ZNF638: variants seen among roughly 807,000 people sequenced by gnomAD.
ZNF638 encodes zinc finger protein 638, also known as CTCL tumor antigen se33-1.
In ZNF638, 46 loss-of-function variants were observed where a neutral mutation model predicts 195.6. The observed-to-expected ratio is 0.24, with a 90% CI of 0.19 to 0.30. ZNF638 has a LOEUF of 0.30. Among genes scored for constraint, ZNF638 ranks in the 10% least tolerant of loss-of-function variants. The pLI is 1.00. For synonymous variants in ZNF638, 845 were observed against 772.0 expected, an observed-to-expected ratio of 1.09 and a Z score of -1.57; for missense variants, 2,440 against 2,325.3, an observed-to-expected ratio of 1.05 and a Z score of -1.01.
At chr2:71,366,503 A>G (rs1009186379) in intron 6 of ZNF638, among the ~76,000 whole-genome samples, 1 of 152,200 alleles carries the variant, frequency 6.6e-6, no homozygotes, top group African/African-American at 2.4e-5. Context: ...CCAAGGTTCA[A>G]AATCTCGTAG....
intron 10 of ZNF638, chr2:71,393,619 A>G (rs1428855378): frequency 8.4e-6 from 6 of 718,004 alleles, no homozygotes; most frequent in Non-Finnish European, 1.6e-5. Context: ...CACTCCAGAT[A>G]ATTTGTTCCT....
At chr2:71,369,832 G>T in intron 7 of ZNF638, 51 bp from the exon 8 acceptor site, 2 of 1,520,212 alleles carry the variant, frequency 1.3e-6, no homozygotes, top group Non-Finnish European at 1.8e-6. Context: ...TAAAATGCAG[G>T]AACTTTTAAA....
At chr2:71,367,852 G>A (rs1472594387) in intron 6 of ZNF638, among the ~76,000 whole-genome samples, 3 of 152,060 alleles carry the variant, frequency 2.0e-5, no homozygotes, top group East Asian at 3.9e-4. Context: ...ATACAGGCAT[G>A]AGCCACCATG....
intron 1 of ZNF638, chr2:71,333,016 T>C (rs2078600395): frequency 6.6e-6 from 1 of 152,206 alleles, no homozygotes; most frequent in South Asian, 2.1e-4. Flanking sequence ...GATGTTGTGC[T>C]TGCTGGTTCA....
rs1216625360 is a variant in ZNF638 at position 71,426,781 on chromosome 2, A to T, written c.4912A>T (p.Asn1638Tyr). The T allele has an allele frequency of 1.2e-6, 2 of 1,613,152 alleles. No individual in the cohort carries two copies. Among genetic ancestry groups the T allele is most frequent in the Non-Finnish European group, 1.7e-6 (2 of 1,179,598 alleles). ...ACTAAATATGGAAGAAATGGTAAAAAATTCAAATTCACTTTTTACATTAGA... is the reference window on the plus strand; with the variant it reads ...ACTAAATATGGAAGAAATGGTAAAATATTCAAATTCACTTTTTACATTAGA... ...EELNMEEMVK[N>Y]SNSLFTLDEL... The change falls in exon 24 of 28, where the codon AAT becomes TAT. Residue 1638 changes from asparagine (N) to tyrosine (Y), a missense_variant. Asn to Tyr is a moderately radical substitution (Grantham distance 143, BLOSUM62 -2). Around this residue, in one of 5 missense-constraint regions of ZNF638, gnomAD observed 1,883 missense variants for 1,739.1 expected, o/e 1.08. Transcript: ENST00000264447.
At chr2:71,357,413 T>G (rs1458380864) in intron 3 of ZNF638, among the ~76,000 whole-genome samples, 1 of 152,158 alleles carries the variant, frequency 6.6e-6, no homozygotes, top group Non-Finnish European at 1.5e-5. Flanking sequence ...GGGAGATAAT[T>G]TGTTACCTGA....
At chr2:71,344,124 C>T (rs1171016402) in intron 1 of ZNF638, among the ~76,000 whole-genome samples, 2 of 151,928 alleles carry the variant, frequency 1.3e-5, no homozygotes, top group Admixed American at 6.6e-5. Context: ...AGCGAGACTC[C>T]GTCTCAAAAA....
chr2:71,418,395 T>C (rs2080349412), intron 20 of ZNF638: 2 of 374,040 alleles, frequency 5.3e-6, no homozygotes, highest in South Asian at 2.4e-4. Context: ...TTAATATAAG[T>C]TATTGTGTGT....
chr2:71,344,098 C>T (rs142124520), intron 1 of ZNF638, among the ~76,000 whole-genome samples: 1,996 of 152,254 alleles, frequency 0.013, 21 homozygotes, highest in Non-Finnish European at 0.021. Flanking sequence ...CCACTGCACT[C>T]CAGCTTGGGC....
chr2:71,425,411 A>G (rs760114717), intron 23 of ZNF638, among the ~76,000 whole-genome samples: 1 of 152,174 alleles, frequency 6.6e-6, no homozygotes, highest in Non-Finnish European at 1.5e-5. Flanking sequence ...TTAATTTGAT[A>G]GTACAATCGC....
chr2:71,383,952 C>T (rs1211208590), intron 10 of ZNF638, among the ~76,000 whole-genome samples: 6 of 151,692 alleles, frequency 4.0e-5, no homozygotes, highest in Non-Finnish European at 5.9e-5. Flanking sequence ...ATCTCCCTTA[C>T]GTACATAAAC....
intron 1 of ZNF638, among the ~76,000 whole-genome samples, chr2:71,343,365 G>A (rs2078796522): frequency 6.6e-6 from 1 of 152,194 alleles, no homozygotes; most frequent in Non-Finnish European, 1.5e-5. Context: ...AGGGGAAAAA[G>A]AAGGGTCTGT....
chr2:71,390,714 TA>T (rs942422631), intron 10 of ZNF638, among the ~76,000 whole-genome samples: 8 of 152,144 alleles, frequency 5.3e-5, no homozygotes, highest in African/African-American at 1.9e-4. Context: ...TTTACTGGCT[TA>T]TAGGATACAG....
intron 25 of ZNF638, chr2:71,428,967 G>T: frequency 4.8e-6 from 1 of 207,560 alleles, no homozygotes; most frequent in Middle Eastern, 1.8e-3. Flanking sequence ...CTTGTCAGCA[G>T]CCAGCCAATG....
chr2:71,337,712 T>G (rs1389715249), intron 1 of ZNF638, among the ~76,000 whole-genome samples: 1 of 152,216 alleles, frequency 6.6e-6, no homozygotes, highest in Admixed American at 6.5e-5. Context: ...CCTATAAAAT[T>G]ATTCAGTCTA....
chr2:71,357,683 T>G (rs1369171916), intron 3 of ZNF638, among the ~76,000 whole-genome samples: 11 of 152,186 alleles, frequency 7.2e-5, no homozygotes, highest in Non-Finnish European at 1.5e-5. Context: ...ATTTTTTTCA[T>G]ACATGTAGGA....
At chr2:71,348,309 C>CA (rs963626125) in intron 1 of ZNF638, 2 of 672,946 alleles carry the variant, frequency 3.0e-6, no homozygotes, top group African/African-American at 3.9e-5. Flanking sequence ...TTGTGTTTTA[C>CA]AAAAATGGGT....
chr2:71,408,365 T>A, intron 20 of ZNF638, 118 bp downstream of exon 20: 1 of 1,238,592 alleles, frequency 8.1e-7, no homozygotes, highest in South Asian at 1.7e-5. Context: ...TAATTTGTGT[T>A]GCAATCAGTG....
At chr2:71,388,329 C>CCACCTTTGATCATCT (rs2079688333) in intron 10 of ZNF638, 2 of 483,798 alleles carry the variant, frequency 4.1e-6, no homozygotes, top group Non-Finnish European at 7.7e-6. Context: ...TTTGATCATC[C>CCACCTTTGATCATCT]GACCTTTGAT....
Sources: allele counts gnomAD v4.1 joint callset (sites outside exome capture counted in the v4.1 genomes callset), GRCh38; gene constraint gnomAD v4.1.1; regional missense constraint gnomAD v4.1.1; transcripts MANE v1.5; gene names NCBI Gene and HGNC (gene_info 2026-07-23, HGNC 2026-07-21).